RGS3: variants seen among roughly 807,000 people sequenced by gnomAD.
RGS3 encodes the protein regulator of G-protein signalling 3.
A neutral mutation model predicts 132.6 loss-of-function variants in RGS3; 80 were observed. The ratio of observed to expected loss-of-function variants is 0.60; its 90% CI spans 0.50 to 0.73. RGS3 has a LOEUF of 0.73. RGS3 is among the 30% of genes least tolerant of loss of function. The probability of loss-of-function intolerance (pLI) is 0.00; values close to 1 mark genes in which losing one functional copy is unlikely to be tolerated. For missense variants in RGS3, 1,382 were observed against 1,530.8 expected, an observed-to-expected ratio of 0.90 and a Z score of 1.62; for synonymous variants, 598 against 620.6, an observed-to-expected ratio of 0.96 and a Z score of 0.54.
chr9:113,592,908 C>G (rs1835516166), intron 21 of RGS3: 1 of 152,196 alleles, frequency 6.6e-6, no homozygotes, highest in Non-Finnish European at 1.5e-5. Context: ...CATATGTAAT[C>G]TAATTTAATC....
chr9:113,461,879 A>T (rs1829478020), intron 2 of RGS3: 2 of 1,607,704 alleles, frequency 1.2e-6, no homozygotes, highest in Non-Finnish European at 1.7e-6. Context: ...CATCTCAGGC[A>T]CATCACCTTC....
intron 19 of RGS3, chr9:113,582,980 C>A: frequency 5.9e-6 from 1 of 170,896 alleles, no homozygotes; most frequent in South Asian, 1.4e-4. Flanking sequence ...TAGAAGACAC[C>A]CTGGGCTGGG....
In RGS3 at chr9:113,537,546, C is replaced by T. The variant is rs1244728365; in HGVS notation, c.2037+628C>T. Among the ~76,000 whole-genome samples the T allele has an allele frequency of 1.3e-5, 2 of 152,174 alleles. No individual in the cohort carries two copies. Among genetic ancestry groups the T allele is most frequent in the Non-Finnish European group, 2.9e-5 (2 of 68,044 alleles). On this transcript the variant is annotated intron_variant, in intron 19 of 24. Transcript: ENST00000350696. This position sits in a 1 kb window ranked among gnomAD's most constrained non-coding sequence, Gnocchi z 4.3. ...TGGACCACACAGCCTTCCCCTTTGA[C>T]ACTCCGATGCCAGCCACAAAGTACA...
At chr9:113,554,286 A>G (rs1228080304) in intron 19 of RGS3, among the ~76,000 whole-genome samples, 1 of 152,164 alleles carries the variant, frequency 6.6e-6, no homozygotes, top group African/African-American at 2.4e-5. Context: ...CATTTATTTC[A>G]TTATTAGTGA....
chr9:113,465,028 TTAAC>T (rs1829584101), intron 3 of RGS3, among the ~76,000 whole-genome samples: 1 of 152,220 alleles, frequency 6.6e-6, no homozygotes, highest in African/African-American at 2.4e-5. Flanking sequence ...TAAAGGGCAA[TTAAC>T]TAGCCATCAT....
chr9:113,507,577 G>A lies in RGS3; in HGVS notation c.1376G>A (p.Arg459His), dbSNP rs752281126. 16 of 1,537,868 alleles carry A rather than the reference G, an allele frequency of 1.0e-5. No homozygotes were observed. Among genetic ancestry groups the A allele is most frequent in the Middle Eastern group, 1.8e-4 (1 of 5,712 alleles). ...CAGCACACCCTGCCTGCACTGTCCC[G>A]TGCCACTGCCCCCACCGACCCCAAC... is the stretch of plus-strand genomic sequence containing the variant. The change falls in exon 13 of 25, where the codon CGT becomes CAT. Residue 459 changes from arginine (R) to histidine (H), a missense_variant. Arg to His is a conservative substitution (Grantham distance 29). Coordinates refer to ENST00000350696, the Ensembl canonical transcript of RGS3. This position sits in a 1 kb window ranked among gnomAD's most constrained non-coding sequence, Gnocchi z 5.0.
intron 1 of RGS3, among the ~76,000 whole-genome samples, chr9:113,449,277 G>C (rs1338556426): frequency 6.6e-5 from 10 of 152,162 alleles, no homozygotes; most frequent in African/African-American, 2.4e-4. Context: ...CTATGCAAAG[G>C]AAGAATGAAC....
intron 10 of RGS3, among the ~76,000 whole-genome samples, chr9:113,502,582 C>T (rs1206421334): frequency 2.6e-5 from 4 of 152,256 alleles, no homozygotes; most frequent in Non-Finnish European, 5.9e-5. Context: ...AAAGCAGCCC[C>T]TGCGACACTA....
At chr9:113,464,632 A>G (rs1829568521) in intron 3 of RGS3, among the ~76,000 whole-genome samples, 2 of 152,062 alleles carry the variant, frequency 1.3e-5, no homozygotes, top group Admixed American at 6.5e-5. Context: ...GAGAGGGGTT[A>G]TTTTTCCTCT....
At chr9:113,540,757 A>G (rs10981815) in intron 19 of RGS3, among the ~76,000 whole-genome samples, 27,887 of 152,230 alleles carry the variant, frequency 0.18, 2,670 homozygotes, top group African/African-American at 0.21. Flanking sequence ...GTCTGGTGGC[A>G]GAGACAGACA....
chr9:113,582,079 C>T (rs1283367546), intron 19 of RGS3: 2 of 985,330 alleles, frequency 2.0e-6, no homozygotes, highest in Admixed American at 6.1e-5. Flanking sequence ...CAGATGCCAG[C>T]GTGACCCCTG....
intron 10 of RGS3, among the ~76,000 whole-genome samples, chr9:113,502,524 C>G (rs1352273202): frequency 6.6e-6 from 1 of 152,246 alleles, no homozygotes; most frequent in East Asian, 1.9e-4. Flanking sequence ...CTCTCAGGTT[C>G]TGCCCTTCAG....
chr9:113,523,107 C>T, intron 17 of RGS3, 66 bp downstream of exon 15: 2 of 1,053,320 alleles, frequency 1.9e-6, no homozygotes, highest in Non-Finnish European at 1.5e-6. Context: ...CTCTGGGCAG[C>T]CCTCTGGGAT....
Position 113,565,346 on chromosome 9 carries a change from G to A in RGS3, c.2038-18104G>A. On this transcript the variant is annotated intron_variant, in intron 19 of 24. Transcript: ENST00000350696. The surrounding 1 kb of genome is among the most constrained non-coding windows in gnomAD (Gnocchi z 5.7). Reference sequence around the variant, plus strand: ...TCCAGCCTCTCTCCAGAGTGGCGGTGGCCGGCTAGACAGGGTGTGTGTTTG... The same window carrying A: ...TCCAGCCTCTCTCCAGAGTGGCGGTAGCCGGCTAGACAGGGTGTGTGTTTG... The A allele has an allele frequency of 7.8e-7, 1 of 1,289,904 alleles. No homozygotes were observed. Among genetic ancestry groups the A allele is most frequent in the Non-Finnish European group, 1.0e-6 (1 of 988,834 alleles). The allele number at this position is 1,289,904 out of a possible 1,614,324, so 79.9% of individuals were successfully genotyped here. A position where few individuals can be genotyped will look rare whatever the true frequency, so the allele number is the denominator to read the frequency against.
Position 113,579,621 on chromosome 9 carries a change from G to C in RGS3, c.2038-3829G>C, listed in dbSNP as rs945065592. ...CCCTGGCTGGATTCTTGTTACTTCA[G>C]CTGTTGCAACAGCTGTCTCACTGGG... is the stretch of plus-strand genomic sequence containing the variant. On this transcript the variant is annotated intron_variant, in intron 19 of 24. Coordinates refer to ENST00000350696, the Ensembl canonical transcript of RGS3. The surrounding 1 kb of genome is among the most constrained non-coding windows in gnomAD (Gnocchi z 4.3). Among the ~76,000 whole-genome samples, 1 of 152,180 alleles carries C rather than the reference G, an allele frequency of 6.6e-6. No individual in the cohort carries two copies. The highest frequency in any genetic ancestry group is 1.5e-5 in the Non-Finnish European group (1 of 68,022).
At chr9:113,593,931 G>C in intron 21 of RGS3, 1 of 1,609,966 alleles carries the variant, frequency 6.2e-7, no homozygotes. Flanking sequence ...TGGTAACGAG[G>C]AGGCCAGTCA....
chr9:113,479,736 A>C (rs73655863), intron 4 of RGS3, among the ~76,000 whole-genome samples, 195 bp downstream of exon 2: 2 of 152,230 alleles, frequency 1.3e-5, no homozygotes, highest in East Asian at 3.9e-4. Flanking sequence ...CCTGCCTTGG[A>C]TGTGTCTGGA....
At chr9:113,495,672 T>C in intron 7 of RGS3, 114 bp from the exon 6 acceptor site, 1 of 830,656 alleles carries the variant, frequency 1.2e-6, no homozygotes. Context: ...ATGATGTGGG[T>C]AAAAAGCTTT....
intron 3 of RGS3, among the ~76,000 whole-genome samples, chr9:113,470,010 A>G (rs983202925): frequency 9.2e-5 from 14 of 151,568 alleles, no homozygotes; most frequent in Non-Finnish European, 1.8e-4. Context: ...TCCTGGATTC[A>G]AGCAATTCTC....
Sources: gnomAD v4.1 joint callset for allele counts (sites outside exome capture counted in the v4.1 genomes callset) on GRCh38, gnomAD v4.1.1 for gene constraint, Gnocchi (gnomAD v3.1) non-coding constraint, MANE v1.5 for transcripts, NCBI Gene and HGNC (gene_info 2026-07-23, HGNC 2026-07-21) for gene names.